The following CSMD1 variants were observed in gnomAD, a reference collection of about 807,000 sequenced individuals.
CSMD1 encodes CUB and sushi domain-containing protein 1.
A neutral mutation model predicts 417.5 loss-of-function variants in CSMD1; 213 were observed. That is an observed-to-expected ratio of 0.51 (90% CI 0.46 to 0.57). CSMD1 has a LOEUF of 0.57. CSMD1 is among the 20% of genes least tolerant of loss of function. The pLI, the probability that CSMD1 is intolerant of heterozygous loss-of-function variation, is 0.00. For missense variants in CSMD1, 6,923 were observed against 4,529.7 expected, an observed-to-expected ratio of 1.53 and a Z score of -15.17; for synonymous variants, 2,862 against 1,736.8, an observed-to-expected ratio of 1.65 and a Z score of -16.11.
At chr8:4,649,338 G>T (rs571251669) in intron 1 of CSMD1, among the ~76,000 whole-genome samples, 1 of 152,274 alleles carries the variant, frequency 6.6e-6, no homozygotes, top group South Asian at 2.1e-4. Context: ...CATTGACAGA[G>T]TACCTATTAT....
intron 31 of CSMD1, among the ~76,000 whole-genome samples, chr8:3,203,240 G>A (rs1797083339): frequency 6.6e-6 from 1 of 152,122 alleles, no homozygotes; most frequent in Non-Finnish European, 1.5e-5. Context: ...AAGATGTCAG[G>A]AGCCAGAATG....
chr8:4,696,117 C>A (rs888751502), intron 1 of CSMD1, among the ~76,000 whole-genome samples: 1 of 152,090 alleles, frequency 6.6e-6, no homozygotes, highest in African/African-American at 2.4e-5. Flanking sequence ...AGGATAATGC[C>A]TTGAAGAATT....
At chr8:4,409,277 C>A (rs1475476357) in intron 3 of CSMD1, among the ~76,000 whole-genome samples, 2 of 152,100 alleles carry the variant, frequency 1.3e-5, no homozygotes, top group Non-Finnish European at 2.9e-5. Flanking sequence ...TTCCAGTGTT[C>A]TCGGCTTTGT....
At chr8:4,264,612 G>A (rs994221027) in intron 3 of CSMD1, among the ~76,000 whole-genome samples, 4 of 152,114 alleles carry the variant, frequency 2.6e-5, no homozygotes, top group African/African-American at 9.7e-5. Flanking sequence ...GTAGATAGCA[G>A]TAAGGGTTTC....
intron 26 of CSMD1, among the ~76,000 whole-genome samples, chr8:3,271,833 C>T (rs1417520956): frequency 1.3e-5 from 2 of 151,984 alleles, no homozygotes; most frequent in Non-Finnish European, 2.9e-5. Flanking sequence ...GATATTAGCC[C>T]TTTGTCAGAT....
At chr8:3,265,366 TGATAAA>T (rs1196015435) in intron 26 of CSMD1, among the ~76,000 whole-genome samples, 2 of 152,156 alleles carry the variant, frequency 1.3e-5, no homozygotes, top group African/African-American at 4.8e-5. Flanking sequence ...CAGCCAAGCG[TGATAAA>T]GATAATTTCT....
intron 1 of CSMD1, among the ~76,000 whole-genome samples, chr8:4,791,121 G>A (rs1563394772): frequency 6.6e-6 from 1 of 152,058 alleles, no homozygotes; most frequent in Non-Finnish European, 1.5e-5. Context: ...GAAGAGACGG[G>A]GAGGGAGAAA....
At chr8:4,824,088 A>T (rs1181967937) in intron 1 of CSMD1, among the ~76,000 whole-genome samples, 2 of 149,692 alleles carry the variant, frequency 1.3e-5, no homozygotes, top group Admixed American at 6.7e-5. Flanking sequence ...ATATCCACAC[A>T]CACACACACA....
chr8:3,754,403 G>C (rs1488748043), intron 5 of CSMD1, among the ~76,000 whole-genome samples: 2 of 151,564 alleles, frequency 1.3e-5, no homozygotes, highest in Non-Finnish European at 2.9e-5. Flanking sequence ...ATAAAATTCT[G>C]TGTTTCACAA....
At chr8:4,248,974 T>C (rs138716633) in intron 3 of CSMD1, among the ~76,000 whole-genome samples, 1 of 152,166 alleles carries the variant, frequency 6.6e-6, no homozygotes. Flanking sequence ...AATATCATAA[T>C]TCAAAACATA....
At chr8:4,306,720 C>T (rs1335527757) in intron 3 of CSMD1, among the ~76,000 whole-genome samples, 1 of 152,100 alleles carries the variant, frequency 6.6e-6, no homozygotes, top group Non-Finnish European at 1.5e-5. Context: ...TAGTGAGCAG[C>T]ACCTCTAAAT....
intron 3 of CSMD1, among the ~76,000 whole-genome samples, chr8:4,299,734 G>A (rs958426579): frequency 2.6e-5 from 4 of 152,054 alleles, no homozygotes; most frequent in East Asian, 1.9e-4. Flanking sequence ...CATTTCAAGC[G>A]ATTGTCATGC....
chr8:4,344,351 G>C (rs147161857), intron 3 of CSMD1, among the ~76,000 whole-genome samples: 2 of 152,018 alleles, frequency 1.3e-5, no homozygotes, highest in Non-Finnish European at 2.9e-5. Context: ...TTCAGGTTTG[G>C]TACATTATTT....
chr8:3,983,135 C>CTTTTTTTCTTT (rs1554506676), intron 5 of CSMD1, among the ~76,000 whole-genome samples: 1 of 133,514 alleles, frequency 7.5e-6, no homozygotes, highest in African/African-American at 2.9e-5. Context: ...ATCTTTCTTT[C>CTTTTTTTCTTT]TTTTTTTTTT....
intron 3 of CSMD1, among the ~76,000 whole-genome samples, chr8:4,340,557 G>A (rs567567866): frequency 1.3e-4 from 19 of 151,978 alleles, no homozygotes; most frequent in Non-Finnish European, 2.5e-4. Context: ...ATTGTCCAAG[G>A]GCAATTCAGG....
chr8:3,264,819 G>A (rs529195180), intron 26 of CSMD1, among the ~76,000 whole-genome samples: 1 of 152,140 alleles, frequency 6.6e-6, no homozygotes, highest in Non-Finnish European at 1.5e-5. Context: ...TTTGCCTACT[G>A]TAAAAACTAT....
chr8:2,954,995 C>A (rs186428215), intron 64 of CSMD1, among the ~76,000 whole-genome samples: 1 of 152,258 alleles, frequency 6.6e-6, no homozygotes, highest in African/African-American at 2.4e-5. Context: ...AGGGGAGAAC[C>A]TGTAAGTGTA....
chr8:4,706,264 TTC>T (rs1401736328), intron 1 of CSMD1, among the ~76,000 whole-genome samples: 1 of 152,036 alleles, frequency 6.6e-6, no homozygotes, highest in Non-Finnish European at 1.5e-5. Flanking sequence ...GACCTAAAAT[TTC>T]TCTTTTAATT....
Position 4,070,609 on chromosome 8 carries a change from G to A in CSMD1, c.416-38510C>T, listed in dbSNP as rs567886181. 9.2e-5 allele frequency among the ~76,000 whole-genome samples: 14 copies of A among 152,026 alleles called. No homozygotes were observed. The East Asian group carries it at 9.7e-4, about 11-fold the overall frequency. On this transcript the variant is annotated intron_variant, in intron 3 of 69. Coordinates refer to ENST00000635120, the MANE Select transcript of CSMD1 (RefSeq NM_033225.6). The stretch of plus-strand genomic sequence containing the variant: ...CCTGACCTCGTGATCCACCCACCTC[G>A]GCCTCCCAAAGTGCTGGGATTACAG...
Sources: gnomAD v4.1 joint callset for allele counts (sites outside exome capture counted in the v4.1 genomes callset) on GRCh38, gnomAD v4.1.1 for gene constraint, MANE v1.5 for transcripts, NCBI Gene and HGNC (gene_info 2026-07-23, HGNC 2026-07-21) for gene names.